Variants in GNG4 observed in about 807,000 individuals in gnomAD.
GNG4 encodes the protein guanine nucleotide-binding protein G(I)/G(S)/G(O) subunit gamma-4.
A neutral mutation model predicts 5.8 loss-of-function variants in GNG4; 4 were observed. The observed-to-expected ratio is 0.69, with a 90% CI of 0.34 to 1.57. The LOEUF is 1.57. GNG4 is among the 40% of genes most tolerant of loss of function. The pLI, the probability that GNG4 is intolerant of heterozygous loss-of-function variation, is 0.06. For missense variants in GNG4, 96 were observed against 95.1 expected, an observed-to-expected ratio of 1.01 and a Z score of -0.04; for synonymous variants, 29 against 32.9, an observed-to-expected ratio of 0.88 and a Z score of 0.41.
chr1:235,619,159 T>TA (rs1298005869), intron 1 of GNG4, among the ~76,000 whole-genome samples: 64 of 100,208 alleles, frequency 6.4e-4, no homozygotes, highest in African/African-American at 2.6e-3. Flanking sequence ...AAAAAAAAAT[T>TA]TATATATATA....
intron 3 of GNG4, among the ~76,000 whole-genome samples, chr1:235,571,003 G>A (rs1289063547): frequency 4.2e-5 from 5 of 120,204 alleles, no homozygotes; most frequent in South Asian, 2.6e-4. Context: ...GTTTTGCCAT[G>A]TTGCCTAGGC....
At position 235,589,569 on chromosome 1, in the gene GNG4, C is replaced by T. The variant is rs568073161; in HGVS notation, c.-10-5721G>A. Among the ~76,000 whole-genome samples the T allele has an allele frequency of 9.2e-5, 14 of 152,338 alleles. No individual in the cohort carries two copies. In the South Asian group the frequency reaches 2.7e-3, roughly 29 times the overall value. ...TCCGCCCACTCCCCTCGAACCTCAG[C>T]ATGGGCTGGAACCTGACCCCAAGCA... On this transcript the variant is annotated intron_variant, in intron 2 of 3. Transcript: ENST00000391854.
At chr1:235,605,101 C>T (rs1199440155) in intron 1 of GNG4, among the ~76,000 whole-genome samples, 2 of 152,016 alleles carry the variant, frequency 1.3e-5, no homozygotes, top group African/African-American at 4.8e-5. Flanking sequence ...AAGGTGAGAA[C>T]CCCATATCAT....
At chr1:235,640,135 C>T (rs1214849945) in intron 1 of GNG4, among the ~76,000 whole-genome samples, 1 of 152,098 alleles carries the variant, frequency 6.6e-6, no homozygotes, top group Admixed American at 6.5e-5. Flanking sequence ...AGGACAGATC[C>T]ATGCATTCAG....
intron 1 of GNG4, among the ~76,000 whole-genome samples, chr1:235,641,361 G>T (rs531170396): frequency 6.6e-5 from 10 of 152,140 alleles, no homozygotes; most frequent in Non-Finnish European, 1.5e-4. Flanking sequence ...CTGCACACCA[G>T]CCTGGGCAAC....
chr1:235,643,900 G>A (rs1200903010), intron 1 of GNG4, among the ~76,000 whole-genome samples: 1 of 152,242 alleles, frequency 6.6e-6, no homozygotes, highest in Non-Finnish European at 1.5e-5. Context: ...CGAGAAACTT[G>A]TTCAGAGGAT....
intron 1 of GNG4, among the ~76,000 whole-genome samples, chr1:235,604,299 A>G (rs1688314579): frequency 6.6e-6 from 1 of 152,250 alleles, no homozygotes; most frequent in South Asian, 2.1e-4. Context: ...TGAAGTGGGC[A>G]GATCACCACA....
chr1:235,558,445 T>C (rs1686974692), intron 3 of GNG4, among the ~76,000 whole-genome samples: 1 of 152,148 alleles, frequency 6.6e-6, no homozygotes, highest in Non-Finnish European at 1.5e-5. Flanking sequence ...AAGATAAATA[T>C]AGGTAATGAC....
At chr1:235,568,879 T>C (rs1002062281) in intron 3 of GNG4, among the ~76,000 whole-genome samples, 1 of 151,498 alleles carries the variant, frequency 6.6e-6, no homozygotes, top group Non-Finnish European at 1.5e-5. Flanking sequence ...CAGGCTGGAG[T>C]GCAGTGGTGT....
chr1:235,592,846 T>G (rs1322266658), intron 2 of GNG4, among the ~76,000 whole-genome samples: 1 of 152,148 alleles, frequency 6.6e-6, no homozygotes, highest in African/African-American at 2.4e-5. Context: ...CCTTGCTTGG[T>G]GCCCAGCAAT....
chr1:235,571,840 A>C (rs1417785464), intron 3 of GNG4, among the ~76,000 whole-genome samples: 1 of 152,110 alleles, frequency 6.6e-6, no homozygotes, highest in African/African-American at 2.4e-5. Context: ...TAATTAATTA[A>C]CTAATTAATT....
chr1:235,647,710 C>T (rs972219106), intron 1 of GNG4, among the ~76,000 whole-genome samples: 1 of 152,194 alleles, frequency 6.6e-6, no homozygotes, highest in African/African-American at 2.4e-5. Flanking sequence ...TCTCAGCTCA[C>T]TGCAACCTCT....
At chr1:235,645,923 C>A (rs1657499481) in intron 1 of GNG4, among the ~76,000 whole-genome samples, 1 of 152,100 alleles carries the variant, frequency 6.6e-6, no homozygotes, top group Non-Finnish European at 1.5e-5. Flanking sequence ...GAAGACAAGG[C>A]CTTACAGCTG....
chr1:235,633,556 T>C (rs1042145695), intron 1 of GNG4, among the ~76,000 whole-genome samples: 2 of 152,216 alleles, frequency 1.3e-5, no homozygotes, highest in Admixed American at 6.5e-5. Flanking sequence ...GGTGCAATCA[T>C]AGCTCACTGC....
Position 235,574,782 on chromosome 1 carries a change from G to T in GNG4, c.99+8958C>A, listed in dbSNP as rs530294757. Among the ~76,000 whole-genome samples, 296 of 152,016 alleles carry T rather than the reference G, an allele frequency of 1.9e-3. 1 individual carries two copies. Among genetic ancestry groups the T allele is most frequent in the African/African-American group, 6.7e-3 (278 of 41,476 alleles). ...TACATTTTTCTTAGTTTTTATGAAG[G>T]AAGATTGTTAATAACTGCCAGTATC... On this transcript the variant is annotated intron_variant, in intron 3 of 3. Coordinates refer to ENST00000391854, the MANE Select transcript of GNG4 (RefSeq NM_001098722.2).
At chr1:235,604,552 G>T (rs1219300179) in intron 1 of GNG4, among the ~76,000 whole-genome samples, 1 of 152,152 alleles carries the variant, frequency 6.6e-6, no homozygotes, top group Non-Finnish European at 1.5e-5. Context: ...GATAACACTT[G>T]ACATTCAATC....
intron 1 of GNG4, among the ~76,000 whole-genome samples, chr1:235,622,442 G>A (rs1288672900): frequency 2.6e-5 from 4 of 152,130 alleles, no homozygotes; most frequent in Admixed American, 6.5e-5. Context: ...GGCTGGGCGC[G>A]GTAGCTCACA....
In GNG4 at chr1:235,642,226, C is replaced by T. The variant is rs1330126854; in HGVS notation, c.-123+7436G>A. ...GGCAGGGGCGGGGTGAGCCTTGGCC[C>T]CGCTCCCGTGCAGGTGTCGCGGGTA... On this transcript the variant is annotated intron_variant, in intron 1 of 3. Coordinates refer to ENST00000391854, the MANE Select transcript of GNG4 (RefSeq NM_001098722.2). The surrounding 1 kb of genome is among the most constrained non-coding windows in gnomAD (Gnocchi z 4.3). Among the ~76,000 whole-genome samples the T allele has an allele frequency of 1.3e-5, 2 of 152,240 alleles. No individual in the cohort carries two copies. The highest frequency in any genetic ancestry group is 2.9e-5 in the Non-Finnish European group (2 of 68,048).
intron 3 of GNG4, among the ~76,000 whole-genome samples, chr1:235,580,377 A>ATGAAT (rs1044881515): frequency 9.8e-5 from 15 of 152,328 alleles, no homozygotes; most frequent in African/African-American, 3.6e-4. Flanking sequence ...CCTAATACTG[A>ATGAAT]TGAATTGTAC....
Sources: gnomAD v4.1 joint callset for allele counts (sites outside exome capture counted in the v4.1 genomes callset) on GRCh38, gnomAD v4.1.1 for gene constraint, Gnocchi (gnomAD v3.1) non-coding constraint, MANE v1.5 for transcripts, NCBI Gene and HGNC (gene_info 2026-07-23, HGNC 2026-07-21) for gene names.